Variants in EYA3 observed in about 807,000 individuals in gnomAD.
EYA3 encodes the protein protein phosphatase EYA3.
EYA3 carries 39 observed loss-of-function variants against 80.0 expected under a neutral mutation model. The ratio of observed to expected loss-of-function variants is 0.49; its 90% confidence interval spans 0.38 to 0.64. The LOEUF (loss-of-function observed/expected upper bound fraction) is 0.64, where lower values mean the gene tolerates loss of function less well. Among genes scored for constraint, EYA3 ranks in the 30% least tolerant of loss-of-function variants. The pLI is 0.00. For missense variants in EYA3, 523 were observed against 676.1 expected, an observed-to-expected ratio of 0.77 and a Z score of 2.51; for synonymous variants, 206 against 232.8, an observed-to-expected ratio of 0.88 and a Z score of 1.05.
rs1571686314 is a variant in EYA3 at position 27,974,560 on chromosome 1, G to A, written c.1642-14C>T. The A allele has an allele frequency of 6.2e-7, 1 of 1,608,082 alleles. No homozygotes were observed. Among genetic ancestry groups the A allele is most frequent in the Non-Finnish European group, 8.5e-7 (1 of 1,175,730 alleles). ...AGGCATGTTGTGCTGGAAGAGAGTG[G>A]GAATAGCTGGTTAATCCAACTTCTT... On this transcript the variant is annotated splice_polypyrimidine_tract_variant and intron_variant, in intron 17 of 17. Transcript: ENST00000373871.
At chr1:27,988,478 C>G in intron 16 of EYA3, 57 bp downstream of exon 16, 1 of 1,593,278 alleles carries the variant, frequency 6.3e-7, no homozygotes, top group Non-Finnish European at 8.6e-7. Flanking sequence ...ATAGGTGCAT[C>G]ATGAGTAGAA....
intron 12 of EYA3, among the ~76,000 whole-genome samples, chr1:27,997,949 G>C (rs1357650214): frequency 6.6e-6 from 1 of 152,136 alleles, no homozygotes; most frequent in African/African-American, 2.4e-5. Context: ...TTTTCTCAAA[G>C]TCATACAATT....
At chr1:28,078,469 A>C (rs1218297679) in intron 1 of EYA3, among the ~76,000 whole-genome samples, 1 of 152,246 alleles carries the variant, frequency 6.6e-6, no homozygotes, top group East Asian at 1.9e-4. Flanking sequence ...GATACTATTA[A>C]TAGCAAACAT....
chr1:28,023,972 C>A (rs1458894016), intron 7 of EYA3, among the ~76,000 whole-genome samples: 1 of 152,228 alleles, frequency 6.6e-6, no homozygotes, highest in African/African-American at 2.4e-5. Flanking sequence ...GGCGCGGTGG[C>A]TCACACCTGT....
intron 1 of EYA3, among the ~76,000 whole-genome samples, chr1:28,063,020 A>C (rs1644691709): frequency 6.6e-6 from 1 of 151,660 alleles, no homozygotes; most frequent in African/African-American, 2.4e-5. Flanking sequence ...AAAAAAAAAA[A>C]AAAAAGCACA....
intron 2 of EYA3, among the ~76,000 whole-genome samples, chr1:28,051,349 A>C (rs1020433672): frequency 6.6e-6 from 1 of 151,924 alleles, no homozygotes; most frequent in African/African-American, 2.4e-5. Flanking sequence ...CAATTCAAAA[A>C]TGAAAAAAAA....
intron 1 of EYA3, among the ~76,000 whole-genome samples, chr1:28,072,751 C>T (rs923675048): frequency 2.0e-5 from 3 of 152,056 alleles, no homozygotes; most frequent in Admixed American, 6.5e-5. Context: ...GAAAAGAATA[C>T]TTATGTTCAC....
chr1:28,012,456 C>T (rs77321790), intron 9 of EYA3, among the ~76,000 whole-genome samples: 2,061 of 152,266 alleles, frequency 0.014, 49 homozygotes, highest in African/African-American at 0.047. Context: ...TCTAAACATG[C>T]ATCAGTGCCA....
chr1:28,035,717 T>C lies in EYA3; in HGVS notation c.225-37A>G, dbSNP rs2815706. On this transcript the variant is annotated intron_variant, in intron 5 of 17. Transcript: ENST00000373871. ...CATGAAAACAAAAACTTTTGTGTGA[T>C]TTACTTTAGTAACGAAAAATAGGTA... 11,757 of 1,605,854 alleles carry C rather than the reference T, an allele frequency of 7.3e-3. 592 individuals carry two copies. The African/African-American group carries it at 0.13, about 17-fold the overall frequency.
At chr1:27,980,817 T>C (rs1557521104) in intron 16 of EYA3, among the ~76,000 whole-genome samples, 1 of 152,192 alleles carries the variant, frequency 6.6e-6, no homozygotes, top group African/African-American at 2.4e-5. Flanking sequence ...GGCAGGAGGA[T>C]TACTTGAGCA....
At chr1:28,077,104 C>CTTT (rs377204823) in intron 1 of EYA3, among the ~76,000 whole-genome samples, 7 of 114,080 alleles carry the variant, frequency 6.1e-5, no homozygotes, top group African/African-American at 1.3e-4. Flanking sequence ...ACAAAACAAT[C>CTTT]TTTTTTTTTT....
chr1:28,079,775 C>T (rs1645354457), intron 1 of EYA3, among the ~76,000 whole-genome samples: 1 of 151,786 alleles, frequency 6.6e-6, no homozygotes, highest in African/African-American at 2.4e-5. Flanking sequence ...GAGAAAAAAA[C>T]TAGCAAACCT....
chr1:28,042,874 T>G (rs965070119), intron 3 of EYA3, among the ~76,000 whole-genome samples: 3 of 152,068 alleles, frequency 2.0e-5, no homozygotes, highest in African/African-American at 7.2e-5. Flanking sequence ...AGATGGAGTC[T>G]CACTCTGTCA....
intron 3 of EYA3, among the ~76,000 whole-genome samples, chr1:28,045,481 T>C (rs490149): frequency 0.27 from 41,462 of 151,974 alleles, 5,681 homozygotes; most frequent in African/African-American, 0.28. Context: ...TTTGTAGATC[T>C]TATATTTTAG....
At chr1:28,021,382 AT>A (rs895467111) in intron 7 of EYA3, among the ~76,000 whole-genome samples, 63 of 150,798 alleles carry the variant, frequency 4.2e-4, no homozygotes, top group Admixed American at 4.6e-4. Context: ...ACAGTGATCA[AT>A]TTTTTTTTCA....
intron 12 of EYA3, among the ~76,000 whole-genome samples, chr1:27,998,950 G>A (rs1057218032): frequency 6.6e-6 from 1 of 151,832 alleles, no homozygotes; most frequent in Non-Finnish European, 1.5e-5. Flanking sequence ...TGTATTTTTG[G>A]TAGAGACGGG....
At chr1:27,982,235 C>T (rs1229092542) in intron 16 of EYA3, among the ~76,000 whole-genome samples, 1 of 151,920 alleles carries the variant, frequency 6.6e-6, no homozygotes, top group Non-Finnish European at 1.5e-5. Context: ...TGAGCTCAGG[C>T]AATCCACCTG....
chr1:27,975,810 T>C (rs531928827), intron 17 of EYA3, among the ~76,000 whole-genome samples: 6 of 151,766 alleles, frequency 4.0e-5, no homozygotes, highest in Non-Finnish European at 5.9e-5. Flanking sequence ...ATTAAATTAA[T>C]TTTTTATATT....
intron 1 of EYA3, among the ~76,000 whole-genome samples, chr1:28,081,935 T>C (rs1645444575): frequency 6.6e-6 from 1 of 152,002 alleles, no homozygotes; most frequent in Non-Finnish European, 1.5e-5. Context: ...GTGGAAGCCA[T>C]TAAATTAAAT....
Sources: allele counts gnomAD v4.1 joint callset (sites outside exome capture counted in the v4.1 genomes callset), GRCh38; gene constraint gnomAD v4.1.1; transcripts MANE v1.5; gene names NCBI Gene and HGNC (gene_info 2026-07-23, HGNC 2026-07-21).